FOLH1: variants seen among roughly 807,000 people sequenced by gnomAD.
FOLH1 encodes folate hydrolase 1.
FOLH1 carries 54 observed loss-of-function variants against 93.9 expected under a neutral mutation model. The ratio of observed to expected loss-of-function variants is 0.57; its 90% confidence interval spans 0.46 to 0.72. The LOEUF (loss-of-function observed/expected upper bound fraction) is 0.72. Among genes scored for constraint, FOLH1 ranks in the 30% least tolerant of loss-of-function variants. The pLI, the probability that FOLH1 is intolerant of heterozygous loss-of-function variation, is 0.00. For missense variants in FOLH1, 571 were observed against 892.5 expected, an observed-to-expected ratio of 0.64 and a Z score of 4.59; for synonymous variants, 249 against 303.6, an observed-to-expected ratio of 0.82 and a Z score of 1.87.
intron 2 of FOLH1, among the ~76,000 whole-genome samples, chr11:49,203,513 C>T (rs1394230597): frequency 6.6e-6 from 1 of 152,174 alleles, no homozygotes; most frequent in Non-Finnish European, 1.5e-5. Flanking sequence ...TAATTGAAAG[C>T]TCTCTGATGG....
intron 3 of FOLH1, among the ~76,000 whole-genome samples, chr11:49,196,674 T>C (rs1167878820): frequency 6.6e-6 from 1 of 152,202 alleles, no homozygotes; most frequent in Non-Finnish European, 1.5e-5. Flanking sequence ...ATGCTCATCT[T>C]AAAGAAAAAT....
At chr11:49,173,306 A>G (rs1204137653) in intron 10 of FOLH1, 51 bp downstream of exon 10, 1 of 1,577,472 alleles carries the variant, frequency 6.3e-7, no homozygotes. Flanking sequence ...ACAGAAGACT[A>G]AACTGAGACT....
At chr11:49,154,992 T>C (rs1033252117) in intron 15 of FOLH1, among the ~76,000 whole-genome samples, 1 of 152,012 alleles carries the variant, frequency 6.6e-6, no homozygotes, top group Non-Finnish European at 1.5e-5. Flanking sequence ...GGTGCAGTAG[T>C]GGATCCAAAA....
chr11:49,165,225 A>C (rs190663830), intron 12 of FOLH1, among the ~76,000 whole-genome samples: 150 of 152,184 alleles, frequency 9.9e-4, no homozygotes, highest in African/African-American at 3.2e-3. Flanking sequence ...TTACTCATCT[A>C]TTTAACATAA....
rs10526900 is a variant in FOLH1 at position 49,155,795 on chromosome 11, CATATATATATAT to C, written c.1623+910_1623+921del. On this transcript the variant is annotated intron_variant, in intron 15 of 18. Coordinates refer to ENST00000256999, the MANE Select transcript of FOLH1 (RefSeq NM_004476.3). ...AATTTACTTTGAAGAAAATGAAAAC[CATATATATATAT>C]ATATATATATATATATATATATATA... 8.0e-3 allele frequency among the ~76,000 whole-genome samples: 417 copies of C among 52,116 alleles called. 14 individuals are homozygous for C. Among genetic ancestry groups the C allele is most frequent in the African/African-American group, 0.011 (220 of 20,222 alleles). 34.2% of individuals were successfully genotyped at this position (52,116 alleles called of 152,430 possible).
chr11:49,163,637 G>T (rs908988887), intron 13 of FOLH1, among the ~76,000 whole-genome samples: 13 of 151,920 alleles, frequency 8.6e-5, no homozygotes, highest in African/African-American at 3.1e-4. Context: ...CACTGCTCAG[G>T]CCCTTGAATT....
At chr11:49,186,545 G>A in intron 5 of FOLH1, 99 bp downstream of exon 5, 4 of 1,314,776 alleles carry the variant, frequency 3.0e-6, no homozygotes, top group East Asian at 2.4e-5. Flanking sequence ...AGAAAATAAT[G>A]GTATTCATAA....
At chr11:49,176,542 T>A (rs1449818649) in intron 7 of FOLH1, among the ~76,000 whole-genome samples, 3 of 152,152 alleles carry the variant, frequency 2.0e-5, no homozygotes, top group Non-Finnish European at 4.4e-5. Context: ...AAAGAAAACA[T>A]GGTAATGTTT....
At chr11:49,154,559 T>C in intron 15 of FOLH1, 67 bp from the exon 16 acceptor site, 1 of 1,552,894 alleles carries the variant, frequency 6.4e-7, no homozygotes, top group East Asian at 2.3e-5. Flanking sequence ...GCACCATATT[T>C]ACTATTAGTA....
chr11:49,197,608 G>A (rs1365494729), intron 3 of FOLH1, among the ~76,000 whole-genome samples: 1 of 151,956 alleles, frequency 6.6e-6, no homozygotes, highest in East Asian at 1.9e-4. Flanking sequence ...TGTTGCCTAC[G>A]GATGGAGAAC....
At chr11:49,183,420 T>C (rs923069348) in intron 6 of FOLH1, among the ~76,000 whole-genome samples, 178 bp from the exon 7 acceptor site, 1 of 152,210 alleles carries the variant, frequency 6.6e-6, no homozygotes, top group African/African-American at 2.4e-5. Flanking sequence ...ACATTGCTTG[T>C]GATAATCTAG....
At chr11:49,184,557 A>C (rs1861156015) in intron 6 of FOLH1, among the ~76,000 whole-genome samples, 1 of 152,180 alleles carries the variant, frequency 6.6e-6, no homozygotes, top group African/African-American at 2.4e-5. Context: ...GTAGATTTAT[A>C]TAATTTTACT....
At position 49,182,328 on chromosome 11, in the gene FOLH1, C is replaced by CAAAAA. The variant is rs59966842; in HGVS notation, c.920+816_920+820dup. Among the ~76,000 whole-genome samples, 74 of 59,878 alleles carry CAAAAA rather than the reference C, an allele frequency of 1.2e-3. 6 individuals are homozygous for CAAAAA. The highest frequency in any genetic ancestry group is 1.7e-3 in the South Asian group (2 of 1,152). 39.3% of individuals were successfully genotyped at this position (59,878 alleles called of 152,430 possible). A position where few individuals can be genotyped will look rare whatever the true frequency, so the allele number is the denominator to read the frequency against. ...TGGGCAACAGAGTGAGACACTGTCT[C>CAAAAA]AAAAAAAAAAAAAAAAAAAAAAAGG... is the stretch of plus-strand genomic sequence containing the variant. On this transcript the variant is annotated intron_variant, in intron 7 of 18. Transcript: ENST00000256999.
At chr11:49,191,116 A>T (rs1590647819) in intron 4 of FOLH1, among the ~76,000 whole-genome samples, 1 of 152,272 alleles carries the variant, frequency 6.6e-6, no homozygotes, top group Non-Finnish European at 1.5e-5. Context: ...CGTTCACGCC[A>T]TTCTCCTGCC....
Position 49,161,515 on chromosome 11 carries a change from T to C in FOLH1, c.1440+3190A>G, listed in dbSNP as rs183723721. 2.0e-5 allele frequency among the ~76,000 whole-genome samples: 3 copies of C among 152,332 alleles called. No homozygotes were observed. In the East Asian group the frequency reaches 5.8e-4, roughly 29 times the overall value. ...CTTCATCTATTTATTTTGACTTATG[T>C]GTGTCATTGCATATGAGAAGGGTCT... On this transcript the variant is annotated intron_variant, in intron 13 of 18. Transcript: ENST00000256999.
At chr11:49,181,935 A>T (rs16906190) in intron 7 of FOLH1, among the ~76,000 whole-genome samples, 1 of 152,200 alleles carries the variant, frequency 6.6e-6, no homozygotes, top group East Asian at 1.9e-4. Context: ...TAAAATTAGT[A>T]AGAAAGGCTT....
chr11:49,175,808 T>C (rs1049150779), intron 8 of FOLH1, 51 bp downstream of exon 8: 1 of 1,520,908 alleles, frequency 6.6e-7, no homozygotes, highest in African/African-American at 1.4e-5. Flanking sequence ...ATAGTATTTT[T>C]TTCTTTAAGT....
At chr11:49,151,516 A>C (rs1856513997) in intron 17 of FOLH1, among the ~76,000 whole-genome samples, 1 of 152,236 alleles carries the variant, frequency 6.6e-6, no homozygotes, top group African/African-American at 2.4e-5. Context: ...CAAGAAAAGC[A>C]GGATAAAGTC....
chr11:49,175,732 T>G, intron 8 of FOLH1, 127 bp downstream of exon 8: 2 of 735,008 alleles, frequency 2.7e-6, no homozygotes, highest in Non-Finnish European at 4.3e-6. Flanking sequence ...AAAATTACAC[T>G]GGTTCTAACT....
Sources: allele counts gnomAD v4.1 joint callset (sites outside exome capture counted in the v4.1 genomes callset), GRCh38; gene constraint gnomAD v4.1.1; transcripts MANE v1.5; gene names NCBI Gene and HGNC (gene_info 2026-07-23, HGNC 2026-07-21).